The following CARS1 variants were observed in gnomAD, a reference collection of about 807,000 sequenced individuals.
CARS1 encodes cysteinyl-tRNA synthetase 1.
In CARS1, 48 loss-of-function variants were observed where a neutral mutation model predicts 106.2. The observed-to-expected ratio is 0.45, with a 90% CI of 0.36 to 0.57. CARS1 has a LOEUF of 0.57. CARS1 is among the 20% of genes least tolerant of loss of function. CARS1 has a pLI of 0.00. For synonymous variants in CARS1, 409 were observed against 403.4 expected, an observed-to-expected ratio of 1.01 and a Z score of -0.17; for missense variants, 968 against 1,057.2, an observed-to-expected ratio of 0.92 and a Z score of 1.17.
In CARS1 at chr11:3,002,401, G is replaced by T. The variant is rs1055569905; in HGVS notation, c.2277+140C>A. On this transcript the variant is annotated intron_variant, in intron 21 of 22. Coordinates refer to ENST00000380525, the MANE Select transcript of CARS1 (RefSeq NM_001014437.3). ...AAGGGCCTGGCAGGCCTTGGGTGGTGGAGGCAGAAAGCGGAGCTCCTTCTG... is the reference window on the plus strand; with the variant it reads ...AAGGGCCTGGCAGGCCTTGGGTGGTTGAGGCAGAAAGCGGAGCTCCTTCTG... 1.3e-5 allele frequency: 19 copies of T among 1,475,056 alleles called. No individual in the cohort carries two copies. In the East Asian group the frequency reaches 4.1e-4, roughly 32 times the overall value. 91.4% of individuals were successfully genotyped at this position (1,475,056 alleles called of 1,614,324 possible).
rs781539920 is a variant in CARS1, at chr11:3,019,150, C to A, written c.1384G>T (p.Ala462Ser). The change falls in exon 12 of 23, where the codon GCA becomes TCA. Residue 462 changes from alanine (A) to serine (S), a missense_variant. Coordinates refer to ENST00000380525, the MANE Select transcript of CARS1 (RefSeq NM_001014437.3). The surrounding 1 kb of genome is among the most constrained non-coding windows in gnomAD (Gnocchi z 6.2). The part of the protein sequence containing the change: ...LRFPHHDNEL[A>S]QSEAYFENDC... ...CTGTTTTCACCTACCTCCGACTGTGCCAGCTCATTGTCATGGTGGGGGAAC... is the reference window on the plus strand; with the variant it reads ...CTGTTTTCACCTACCTCCGACTGTGACAGCTCATTGTCATGGTGGGGGAAC... 8.5e-6 allele frequency: 13 copies of A among 1,522,922 alleles called. No homozygotes were observed. In the East Asian group the frequency reaches 2.4e-4, roughly 28 times the overall value. The allele number at this position is 1,522,922 out of a possible 1,614,324, so 94.3% of individuals were successfully genotyped here. A position where few individuals can be genotyped will look rare whatever the true frequency, so the allele number is the denominator to read the frequency against.
At position 3,003,178 on chromosome 11, in the gene CARS1, C is replaced by A. The variant is rs761917435; in HGVS notation, c.2218-578G>T. Among the ~76,000 whole-genome samples, 3 of 149,204 alleles carry A rather than the reference C, an allele frequency of 2.0e-5. No homozygotes were observed. The highest frequency in any genetic ancestry group is 3.0e-5 in the Non-Finnish European group (2 of 67,244). The stretch of plus-strand genomic sequence containing the variant: ...ATTAGTGGAGCCAGCAGGCTGGGTG[C>A]CGGTGAGGGAAGCCCTCGGTTGCTT... On this transcript the variant is annotated intron_variant, in intron 20 of 22. Coordinates refer to ENST00000380525, the MANE Select transcript of CARS1 (RefSeq NM_001014437.3). This position sits in a 1 kb window ranked among gnomAD's most constrained non-coding sequence, Gnocchi z 4.8.
chr11:3,005,469 T>A, intron 19 of CARS1, 36 bp from the exon 20 acceptor site: 1 of 1,566,804 alleles, frequency 6.4e-7, no homozygotes, highest in East Asian at 2.2e-5. Context: ...GAGTCTGGGC[T>A]CTGTGGGCCG....
chr11:3,001,254 A>C lies in CARS1; in HGVS notation c.2362-6T>G. The C allele has an allele frequency of 6.2e-7, 1 of 1,613,006 alleles. No individual in the cohort carries two copies. Among genetic ancestry groups the C allele is most frequent in the Non-Finnish European group, 8.5e-7 (1 of 1,179,982 alleles). Reference sequence around the variant, plus strand: ...ATGTCATGTGTGGGCAGACCCTGAAAACCCAGAGCACAGCGGCTATTGGTC... The same window carrying C: ...ATGTCATGTGTGGGCAGACCCTGAACACCCAGAGCACAGCGGCTATTGGTC... On this transcript the variant is annotated splice_region_variant and splice_polypyrimidine_tract_variant and intron_variant, in intron 22 of 22. Transcript: ENST00000380525.
rs1851374588 is a variant in CARS1 at position 3,019,548 on chromosome 11, A to G, written c.1267-281T>C. Among the ~76,000 whole-genome samples the G allele has an allele frequency of 6.6e-6, 1 of 152,038 alleles. No individual in the cohort carries two copies. Among genetic ancestry groups the G allele is most frequent in the Admixed American group, 6.5e-5 (1 of 15,268 alleles). On this transcript the variant is annotated intron_variant, in intron 11 of 22. Coordinates refer to ENST00000380525, the MANE Select transcript of CARS1 (RefSeq NM_001014437.3). This position sits in a 1 kb window ranked among gnomAD's most constrained non-coding sequence, Gnocchi z 6.2. ...GTCTCTACTAAAAATACAAAAAAAT[A>G]CAAAAATTAGCTGAGCATGGTGACG...
chr11:3,013,616 C>T (rs547597853), intron 17 of CARS1, among the ~76,000 whole-genome samples: 24 of 151,788 alleles, frequency 1.6e-4, no homozygotes, highest in Non-Finnish European at 2.2e-4. Flanking sequence ...TTTGGGAGGG[C>T]GAAGTGGGTG....
At position 3,046,867 on chromosome 11, in the gene CARS1, G is replaced by C. The variant is rs1033159055; in HGVS notation, c.274+886C>G. On this transcript the variant is annotated intron_variant, in intron 2 of 22. Transcript: ENST00000380525. This position sits in a 1 kb window ranked among gnomAD's most constrained non-coding sequence, Gnocchi z 5.8. ...ACAAAGCCATGCAGGCATCCCAGGA[G>C]TATCTCCCGCAAATAACCACAGGCA... Among the ~76,000 whole-genome samples the C allele has an allele frequency of 3.3e-5, 5 of 152,184 alleles. No homozygotes were observed. The highest frequency in any genetic ancestry group is 1.2e-4 in the African/African-American group (5 of 41,440).
At position 3,002,592 on chromosome 11, in the gene CARS1, C is replaced by T. The variant is rs763050143; in HGVS notation, c.2226G>A (p.Glu742=). 12 of 1,614,182 alleles carry T rather than the reference C, an allele frequency of 7.4e-6. No individual in the cohort carries two copies. The highest frequency in any genetic ancestry group is 1.0e-5 in the Non-Finnish European group (12 of 1,179,994). Residue 742 remains glutamate, a synonymous_variant, in exon 21 of 23, where the codon GAG becomes GAA. Transcript: ENST00000380525. ...KEREEKRRVE[E]EKRKKKEEAA... ...CCTCCTCTTTCTTCTTCCTCTTCTCCTCTTCAACCTGGAGGGTCAATACAG... is the reference window on the plus strand; with the variant it reads ...CCTCCTCTTTCTTCTTCCTCTTCTCTTCTTCAACCTGGAGGGTCAATACAG...
In CARS1 at chr11:3,041,971, C is replaced by CA. The variant is rs1385956067; in HGVS notation, c.366+193dup. Among the ~76,000 whole-genome samples, 1 of 152,212 alleles carries CA rather than the reference C, an allele frequency of 6.6e-6. No homozygotes were observed. Among genetic ancestry groups the CA allele is most frequent in the Non-Finnish European group, 1.5e-5 (1 of 68,046 alleles). On this transcript the variant is annotated intron_variant, in intron 3 of 22. Coordinates refer to ENST00000380525, the MANE Select transcript of CARS1 (RefSeq NM_001014437.3). The surrounding 1 kb of genome is among the most constrained non-coding windows in gnomAD (Gnocchi z 4.9). ...CATGATACTTCACGTGTCTGGGTTT[C>CA]AGAGGACAGCTCTGCCTCTGGGCCA...
rs1849567412 is a variant in CARS1, at chr11:3,003,348, T to C, written c.2218-748A>G. 6.6e-6 allele frequency among the ~76,000 whole-genome samples: 1 copy of C among 152,182 alleles called. No individual in the cohort carries two copies. Among genetic ancestry groups the C allele is most frequent in the African/African-American group, 2.4e-5 (1 of 41,428 alleles). On this transcript the variant is annotated intron_variant, in intron 20 of 22. Transcript: ENST00000380525. The surrounding 1 kb of genome is among the most constrained non-coding windows in gnomAD (Gnocchi z 4.8). The stretch of plus-strand genomic sequence containing the variant: ...GATGCTTCCCAGCCCAGTGGAGCTA[T>C]CAGGTAGGCACGCCCTCCATGGCAG...
intron 2 of CARS1, among the ~76,000 whole-genome samples, chr11:3,047,141 G>A (rs777597115): frequency 4.6e-5 from 7 of 152,042 alleles, no homozygotes; most frequent in Non-Finnish European, 5.9e-5. Context: ...GCCAGGCATG[G>A]TGGTGGGCGC....
chr11:3,018,498 C>T lies in CARS1; in HGVS notation c.1539G>A (p.Arg513=). Residue 513 remains arginine, a synonymous_variant, in exon 14 of 23, where the codon CGG becomes CGA. Coordinates refer to ENST00000380525, the MANE Select transcript of CARS1 (RefSeq NM_001014437.3). The part of the protein sequence containing the change: ...ALKKHSARQL[R]LAFLMHSWKD... ...TCCACGAGTGCATGAGGAAGGCCAGCCGCAACTGCCGTGCTGTGGGGGGAC... is the reference window on the plus strand; with the variant it reads ...TCCACGAGTGCATGAGGAAGGCCAGTCGCAACTGCCGTGCTGTGGGGGGAC... 1 of 1,614,088 alleles carries T rather than the reference C, an allele frequency of 6.2e-7. No individual in the cohort carries two copies. The highest frequency in any genetic ancestry group is 1.1e-5 in the South Asian group (1 of 91,078).
chr11:3,024,825 G>A (rs1034872586), intron 10 of CARS1, among the ~76,000 whole-genome samples: 6 of 152,280 alleles, frequency 3.9e-5, no homozygotes, highest in Middle Eastern at 6.8e-3. Flanking sequence ...CCTTGAAAAC[G>A]GTTCTTTGAG....
At chr11:3,009,729 GGGGGTATTTCCA>G (rs1378334643) in intron 18 of CARS1, among the ~76,000 whole-genome samples, 3 of 152,182 alleles carry the variant, frequency 2.0e-5, no homozygotes, top group Admixed American at 1.3e-4. Context: ...ACTGGACCAT[GGGGGTATTTCCA>G]GGGGAAACAG....
intron 12 of CARS1, among the ~76,000 whole-genome samples, 166 bp downstream of exon 12, chr11:3,018,973 C>A (rs192496256): frequency 6.6e-6 from 1 of 152,196 alleles, no homozygotes; most frequent in Non-Finnish European, 1.5e-5. Flanking sequence ...GCTGTCAATG[C>A]GGAAACCACA....
In CARS1 at chr11:3,041,112, T is replaced by G. The variant is rs1247358601; in HGVS notation, c.367-128A>C. 6.8e-7 allele frequency: 1 copy of G among 1,470,456 alleles called. No homozygotes were observed. The highest frequency in any genetic ancestry group is 1.4e-5 in the African/African-American group (1 of 70,656). 91.1% of individuals were successfully genotyped at this position (1,470,456 alleles called of 1,614,324 possible). A position where few individuals can be genotyped will look rare whatever the true frequency, so the allele number is the denominator to read the frequency against. On this transcript the variant is annotated intron_variant, in intron 3 of 22. Transcript: ENST00000380525. The surrounding 1 kb of genome is among the most constrained non-coding windows in gnomAD (Gnocchi z 4.9). ...GTAAACAATTCAACAGAGACCATTT[T>G]GTTTTACTGTGAAAAGTCACAGTCT...
chr11:3,045,160 T>C lies in CARS1; in HGVS notation c.274+2593A>G, dbSNP rs139280941. 7.2e-5 allele frequency among the ~76,000 whole-genome samples: 11 copies of C among 152,242 alleles called. No individual in the cohort carries two copies. The East Asian group carries it at 2.1e-3, about 29-fold the overall frequency. ...ACAAGTTCAACGTCCTGATATCCAG[T>C]GGACCTCCGTGCTGGAGGCTGGTGA... On this transcript the variant is annotated intron_variant, in intron 2 of 22. Transcript: ENST00000380525. This position sits in a 1 kb window ranked among gnomAD's most constrained non-coding sequence, Gnocchi z 5.6.
rs958382642 is a variant in CARS1 at position 3,038,812 on chromosome 11, A to C, written c.651+382T>G. On this transcript the variant is annotated intron_variant, in intron 6 of 22. Coordinates refer to ENST00000380525, the MANE Select transcript of CARS1 (RefSeq NM_001014437.3). This position sits in a 1 kb window ranked among gnomAD's most constrained non-coding sequence, Gnocchi z 4.0. ...GAAAATTTACAGTATTACCAAATTA[A>C]AAAGCTTAGTATAGCTTTTGTATCT... Among the ~76,000 whole-genome samples the C allele has an allele frequency of 6.6e-6, 1 of 152,280 alleles. No homozygotes were observed. The highest frequency in any genetic ancestry group is 1.5e-5 in the Non-Finnish European group (1 of 68,050).
In CARS1 at chr11:3,029,194, G is replaced by A. The variant is rs1053386557; in HGVS notation, c.942+109C>T. On this transcript the variant is annotated intron_variant, in intron 8 of 22. Transcript: ENST00000380525. The surrounding 1 kb of genome is among the most constrained non-coding windows in gnomAD (Gnocchi z 5.9). ...AAGCCCATTATGCCCCTCAACTCAA[G>A]TTCAATGTTGACTTGGCCGCTTAAT... 72 of 1,457,790 alleles carry A rather than the reference G, an allele frequency of 4.9e-5. No homozygotes were observed. Among genetic ancestry groups the A allele is most frequent in the Non-Finnish European group, 6.6e-5 (69 of 1,042,356 alleles). 90.3% of individuals were successfully genotyped at this position (1,457,790 alleles called of 1,614,324 possible).
Sources: gnomAD v4.1 joint callset for allele counts (sites outside exome capture counted in the v4.1 genomes callset) on GRCh38, gnomAD v4.1.1 for gene constraint, Gnocchi (gnomAD v3.1) non-coding constraint, MANE v1.5 for transcripts, NCBI Gene and HGNC (gene_info 2026-07-23, HGNC 2026-07-21) for gene names.